Variants in CMIP observed in about 807,000 individuals in gnomAD.
The protein encoded by CMIP is C-Maf-inducing protein.
A neutral mutation model predicts 97.3 loss-of-function variants in CMIP; 13 were observed. The ratio of observed to expected loss-of-function variants is 0.13; its 90% CI spans 0.09 to 0.21. The LOEUF (loss-of-function observed/expected upper bound fraction) is 0.21. Ranked by LOEUF, CMIP falls within the 10% of genes least tolerant of loss-of-function variation. The pLI, the probability that CMIP is intolerant of heterozygous loss-of-function variation, is 1.00. For synonymous variants in CMIP, 538 were observed against 436.3 expected (o/e 1.23, Z -2.91); for missense variants, 847 against 1,024.9 (o/e 0.83, Z 2.37).
intron 1 of CMIP, among the ~76,000 whole-genome samples, chr16:81,582,058 C>T (rs928953569): frequency 2.6e-5 from 4 of 152,026 alleles, no homozygotes; most frequent in African/African-American, 7.2e-5. Context: ...AGAGAGCTGG[C>T]GGGGAGAGGT....
intron 1 of CMIP, among the ~76,000 whole-genome samples, chr16:81,560,191 G>A (rs1479052023): frequency 7.2e-6 from 1 of 138,634 alleles, no homozygotes; most frequent in East Asian, 2.0e-4. Context: ...GTGTTTTTTT[G>A]GTTTTGTTTT....
At chr16:81,699,539 G>T (rs1489148706) in intron 14 of CMIP, 146 bp from the exon 15 acceptor site, 1 of 599,820 alleles carries the variant, frequency 1.7e-6, no homozygotes. Flanking sequence ...GCATCCCCCT[G>T]GGGCCTGGTG....
At chr16:81,540,742 G>A (rs758171699) in intron 1 of CMIP, among the ~76,000 whole-genome samples, 14 of 148,826 alleles carry the variant, frequency 9.4e-5, no homozygotes, top group African/African-American at 3.2e-4. Context: ...GTGCAGTGGC[G>A]CGATCTCGGC....
chr16:81,660,992 C>G (rs1168979973), intron 6 of CMIP, 46 bp downstream of exon 6: 1 of 1,610,634 alleles, frequency 6.2e-7, no homozygotes. Context: ...AAGTAACCTC[C>G]CTCTGTGCGC....
At chr16:81,567,007 T>C (rs1405442857) in intron 1 of CMIP, among the ~76,000 whole-genome samples, 1 of 152,192 alleles carries the variant, frequency 6.6e-6, no homozygotes, top group Non-Finnish European at 1.5e-5. Flanking sequence ...GAGAGAGCCT[T>C]CTAGGGTGCT....
chr16:81,588,297 T>C lies in CMIP; in HGVS notation c.301-19270T>C, dbSNP rs973994476. Among the ~76,000 whole-genome samples the C allele has an allele frequency of 2.0e-5, 3 of 152,216 alleles. No homozygotes were observed. The South Asian group carries it at 6.2e-4, about 32-fold the overall frequency. On this transcript the variant is annotated intron_variant, in intron 1 of 20. Transcript: ENST00000537098. ...ACCCAAGTCTGTCTTTCAAAGTAGA[T>C]GCCTTTCTTCTCTCTCTCTTTTTCC...
At chr16:81,607,376 C>A (rs2091761180) in intron 1 of CMIP, among the ~76,000 whole-genome samples, 191 bp from the exon 2 acceptor site, 1 of 152,222 alleles carries the variant, frequency 6.6e-6, no homozygotes. Context: ...TTACAGTGAA[C>A]CCCCTTGCAG....
intron 1 of CMIP, among the ~76,000 whole-genome samples, chr16:81,586,398 C>T (rs16955590): frequency 0.069 from 10,569 of 152,190 alleles, 561 homozygotes; most frequent in East Asian, 0.31. Context: ...CGTTCACTGC[C>T]TACTTGTTTG....
chr16:81,673,400 C>G (rs1056161309), intron 9 of CMIP, among the ~76,000 whole-genome samples: 1 of 152,156 alleles, frequency 6.6e-6, no homozygotes, highest in African/African-American at 2.4e-5. Context: ...TGACTGTACT[C>G]AGCTACTCAG....
chr16:81,640,117 C>T (rs1181154366), intron 3 of CMIP, among the ~76,000 whole-genome samples: 2 of 152,162 alleles, frequency 1.3e-5, no homozygotes, highest in African/African-American at 4.8e-5. Context: ...TCCTGGGTCC[C>T]CAGGTGGCTC....
chr16:81,623,236 G>A (rs2092016472), intron 3 of CMIP, among the ~76,000 whole-genome samples: 2 of 152,180 alleles, frequency 1.3e-5, no homozygotes, highest in African/African-American at 4.8e-5. Context: ...TTGCATGTGG[G>A]ATTCAGACAG....
chr16:81,610,717 G>A (rs1457940923), intron 2 of CMIP, among the ~76,000 whole-genome samples: 3 of 152,148 alleles, frequency 2.0e-5, no homozygotes, highest in Admixed American at 6.5e-5. Context: ...CAGGGCTAGC[G>A]AGTCTGTGTG....
intron 4 of CMIP, among the ~76,000 whole-genome samples, chr16:81,657,433 G>GGCCA (rs2151014875): frequency 6.6e-6 from 1 of 152,158 alleles, no homozygotes; most frequent in East Asian, 1.9e-4. Context: ...CTTTGACGAG[G>GGCCA]GCCAGATCCT....
At chr16:81,578,692 C>G (rs1052885401) in intron 1 of CMIP, among the ~76,000 whole-genome samples, 1 of 152,204 alleles carries the variant, frequency 6.6e-6, no homozygotes, top group African/African-American at 2.4e-5. Context: ...GTTTTTTGCA[C>G]GTGGGAGACA....
chr16:81,473,636 G>GT (rs1907695765), intron 1 of CMIP, among the ~76,000 whole-genome samples: 1 of 126,264 alleles, frequency 7.9e-6, no homozygotes, highest in Admixed American at 7.5e-5. Context: ...GGGCTTGGAC[G>GT]CTTGTGTTGG....
intron 3 of CMIP, among the ~76,000 whole-genome samples, chr16:81,637,776 G>A (rs1296231191): frequency 7.7e-6 from 1 of 129,318 alleles, no homozygotes; most frequent in African/African-American, 2.5e-5. Flanking sequence ...GCTGAGCATG[G>A]GGCTGGGACC....
rs1205644878 is a variant in CMIP at position 81,621,568 on chromosome 16, T to G, written c.477+642T>G. On this transcript the variant is annotated intron_variant, in intron 3 of 20. Coordinates refer to ENST00000537098, the MANE Select transcript of CMIP (RefSeq NM_198390.3). This position sits in a 1 kb window ranked among gnomAD's most constrained non-coding sequence, Gnocchi z 4.1. ...CGTCAGGACCAGGGCGTGAAGCACG[T>G]ACAGTCAGCTTCTCATTCCTGCCCT... 1.3e-5 allele frequency: 2 copies of G among 152,970 alleles called. No homozygotes were observed. The highest frequency in any genetic ancestry group is 2.9e-5 in the Non-Finnish European group (2 of 68,280). The allele number at this position is 152,970 out of a possible 1,614,324, so 9.5% of individuals were successfully genotyped here.
chr16:81,502,913 G>C (rs554135373), intron 1 of CMIP, among the ~76,000 whole-genome samples: 1 of 152,158 alleles, frequency 6.6e-6, no homozygotes, highest in Non-Finnish European at 1.5e-5. Flanking sequence ...CTGCAATGCC[G>C]GGTAATCACT....
intron 2 of CMIP, chr16:81,618,583 C>A (rs1204466076): frequency 2.0e-5 from 3 of 152,266 alleles, no homozygotes; most frequent in Admixed American, 2.0e-4. Flanking sequence ...TGCCCTGGAG[C>A]CAGCTCATCC....
Sources: gnomAD v4.1 joint callset for allele counts (sites outside exome capture counted in the v4.1 genomes callset) on GRCh38, gnomAD v4.1.1 for gene constraint, Gnocchi (gnomAD v3.1) non-coding constraint, MANE v1.5 for transcripts, NCBI Gene and HGNC (gene_info 2026-07-23, HGNC 2026-07-21) for gene names.